Variants in CACNA2D3 observed in about 807,000 individuals in gnomAD.
CACNA2D3 encodes the protein voltage-dependent calcium channel subunit alpha-2/delta-3.
A neutral mutation model predicts 160.6 loss-of-function variants in CACNA2D3; 60 were observed. That is an observed-to-expected ratio of 0.37 (90% CI 0.30 to 0.46). The LOEUF is 0.46. Ranked by LOEUF, CACNA2D3 falls within the 20% of genes least tolerant of loss-of-function variation. CACNA2D3 has a pLI of 1.00. For missense variants in CACNA2D3, 1,205 were observed against 1,365.0 expected, an observed-to-expected ratio of 0.88 and a Z score of 1.85; for synonymous variants, 558 against 492.9, an observed-to-expected ratio of 1.13 and a Z score of -1.75.
intron 2 of CACNA2D3, among the ~76,000 whole-genome samples, chr3:54,154,278 T>G (rs1257482844): frequency 1.3e-5 from 2 of 152,222 alleles, no homozygotes; most frequent in African/African-American, 4.8e-5. Context: ...TTCAAGGTAC[T>G]AATCTCAGCA....
rs368525499 is a variant in CACNA2D3 at position 54,891,395 on chromosome 3, C to G, written c.2191C>G (p.Arg731Gly). The G allele has an allele frequency of 2.5e-6, 4 of 1,613,814 alleles. No individual in the cohort carries two copies. Among genetic ancestry groups the G allele is most frequent in the African/African-American group, 1.3e-5 (1 of 74,914 alleles). ...CGTGGAGGTTGCCTTCCTCGGCACT[C>G]GCACGGGCCTCTCCAGAATCAACCT... is the stretch of plus-strand genomic sequence containing the variant. ...KGVEVAFLGT[R>G]TGLSRINLFV... Residue 731 changes from arginine to glycine, a missense_variant, in exon 25 of 38, where the codon CGC becomes GGC. Arg to Gly is a moderately radical substitution (Grantham distance 125, BLOSUM62 -2). Coordinates refer to ENST00000474759, the MANE Select transcript of CACNA2D3 (RefSeq NM_018398.3).
intron 17 of CACNA2D3, among the ~76,000 whole-genome samples, chr3:54,856,220 T>C (rs961739352): frequency 1.3e-5 from 2 of 151,452 alleles, no homozygotes; most frequent in Admixed American, 6.6e-5. Flanking sequence ...TGAAACAATA[T>C]GTTATCAAGC....
At chr3:54,192,587 CT>C (rs1701002957) in intron 2 of CACNA2D3, among the ~76,000 whole-genome samples, 1 of 152,162 alleles carries the variant, frequency 6.6e-6, no homozygotes, top group African/African-American at 2.4e-5. Context: ...TTCTCTGAGT[CT>C]GTTTTTTTCT....
intron 8 of CACNA2D3, among the ~76,000 whole-genome samples, chr3:54,579,527 A>T (rs1415795434): frequency 6.6e-6 from 1 of 152,244 alleles, no homozygotes; most frequent in African/African-American, 2.4e-5. Flanking sequence ...TGTCATGGTC[A>T]TTTGACTGCC....
intron 1 of CACNA2D3, 129 bp downstream of exon 1, chr3:54,122,964 C>A: frequency 1.1e-6 from 1 of 909,778 alleles, no homozygotes; most frequent in Non-Finnish European, 1.4e-6. Context: ...CCGCTCGCAC[C>A]TGCCTTTCGG....
At position 54,754,813 on chromosome 3, in the gene CACNA2D3, T is replaced by C. The variant is rs374498921; in HGVS notation, c.1246+2136T>C. ...GGGTTTGTGGGTCTTAGCTCCAGTTTTGATGGCCTAAGACAAAGTTGTTTT... is the reference window on the plus strand; with the variant it reads ...GGGTTTGTGGGTCTTAGCTCCAGTTCTGATGGCCTAAGACAAAGTTGTTTT... On this transcript the variant is annotated intron_variant, in intron 12 of 37. Coordinates refer to ENST00000474759, the MANE Select transcript of CACNA2D3 (RefSeq NM_018398.3). Among the ~76,000 whole-genome samples the C allele has an allele frequency of 5.3e-5, 8 of 152,084 alleles. No homozygotes were observed. In the East Asian group the frequency reaches 1.4e-3, roughly 26 times the overall value.
At chr3:54,713,649 C>T (rs1251624022) in intron 11 of CACNA2D3, among the ~76,000 whole-genome samples, 3 of 152,156 alleles carry the variant, frequency 2.0e-5, no homozygotes, top group African/African-American at 7.2e-5. Flanking sequence ...GGAAAGTTCA[C>T]ACAACGTAAG....
At chr3:54,760,368 G>A (rs933194057) in intron 12 of CACNA2D3, among the ~76,000 whole-genome samples, 3 of 152,188 alleles carry the variant, frequency 2.0e-5, no homozygotes, top group African/African-American at 7.2e-5. Context: ...TGTGAGAGGC[G>A]GGGAAAGAAG....
intron 21 of CACNA2D3, among the ~76,000 whole-genome samples, chr3:54,883,934 T>C (rs61310691): frequency 0.13 from 19,771 of 152,146 alleles, 1,351 homozygotes; most frequent in Middle Eastern, 0.19. Flanking sequence ...AGTTAAATTT[T>C]AATATAATTT....
At chr3:54,431,812 T>C (rs1451726853) in intron 4 of CACNA2D3, among the ~76,000 whole-genome samples, 3 of 152,116 alleles carry the variant, frequency 2.0e-5, no homozygotes, top group Non-Finnish European at 4.4e-5. Context: ...TCAGCTGTGT[T>C]GGCCAGGATG....
intron 2 of CACNA2D3, among the ~76,000 whole-genome samples, chr3:54,210,253 G>T: frequency 6.6e-6 from 1 of 152,114 alleles, no homozygotes; most frequent in East Asian, 1.9e-4. Flanking sequence ...TGTCAAACTA[G>T]GATGATGAGA....
At chr3:54,370,095 A>G (rs1006294123) in intron 3 of CACNA2D3, among the ~76,000 whole-genome samples, 4 of 152,232 alleles carry the variant, frequency 2.6e-5, no homozygotes, top group African/African-American at 7.2e-5. Flanking sequence ...CTATAAATAA[A>G]CAGTAATAAA....
chr3:55,035,894 A>G (rs1703805884), intron 35 of CACNA2D3, among the ~76,000 whole-genome samples: 1 of 152,208 alleles, frequency 6.6e-6, no homozygotes, highest in South Asian at 2.1e-4. Flanking sequence ...GTAACTGATG[A>G]GTGAGGATGG....
intron 4 of CACNA2D3, among the ~76,000 whole-genome samples, chr3:54,428,063 T>A (rs1241696594): frequency 6.6e-6 from 1 of 152,194 alleles, no homozygotes; most frequent in East Asian, 1.9e-4. Context: ...TTGAAAAATG[T>A]CTGAAGCATA....
At chr3:54,606,573 G>A (rs527269507) in intron 9 of CACNA2D3, among the ~76,000 whole-genome samples, 1 of 152,244 alleles carries the variant, frequency 6.6e-6, no homozygotes, top group East Asian at 1.9e-4. Flanking sequence ...TGGGGTCTGA[G>A]TCTTGGGAGG....
At chr3:54,361,381 A>G (rs1264327090) in intron 3 of CACNA2D3, among the ~76,000 whole-genome samples, 1 of 151,996 alleles carries the variant, frequency 6.6e-6, no homozygotes, top group African/African-American at 2.4e-5. Context: ...CTGGTTTTTG[A>G]TTCTCATTGC....
intron 2 of CACNA2D3, among the ~76,000 whole-genome samples, chr3:54,172,195 C>G (rs1016258609): frequency 1.2e-4 from 18 of 152,370 alleles, no homozygotes; most frequent in Admixed American, 3.9e-4. Flanking sequence ...GCTGTTTACT[C>G]TCCGTGGGCT....
intron 4 of CACNA2D3, among the ~76,000 whole-genome samples, chr3:54,460,276 T>C (rs1465934503): frequency 1.3e-5 from 2 of 152,184 alleles, no homozygotes; most frequent in Admixed American, 6.5e-5. Flanking sequence ...TGGTTCCATA[T>C]GAACTTTAAA....
At chr3:54,123,696 A>T (rs1256017221) in intron 2 of CACNA2D3, 102 bp downstream of exon 2, 7 of 913,354 alleles carry the variant, frequency 7.7e-6, no homozygotes, top group Non-Finnish European at 1.3e-5. Flanking sequence ...AGCATCAGTT[A>T]TCGGAGGACT....
Sources: gnomAD v4.1 joint callset for allele counts (sites outside exome capture counted in the v4.1 genomes callset) on GRCh38, gnomAD v4.1.1 for gene constraint, MANE v1.5 for transcripts, NCBI Gene and HGNC (gene_info 2026-07-23, HGNC 2026-07-21) for gene names.